The following SVOP variants were observed in gnomAD, a reference collection of about 807,000 sequenced individuals.
SVOP encodes SV2 related protein, also known as synaptic vesicle 2-related protein.
SVOP carries 17 observed loss-of-function variants against 69.1 expected under a neutral mutation model. That is an observed-to-expected ratio of 0.25 (90% confidence interval 0.17 to 0.37). The LOEUF (loss-of-function observed/expected upper bound fraction) is 0.37. Ranked by LOEUF, SVOP falls within the 10% of genes least tolerant of loss-of-function variation. SVOP has a pLI of 1.00. For missense variants in SVOP, 435 were observed against 597.5 expected (o/e 0.73, Z 2.84); for synonymous variants, 238 against 238.6 (o/e 1.00, Z 0.02).
chr12:108,939,195 C>G (rs2039874360), intron 8 of SVOP, among the ~76,000 whole-genome samples: 1 of 152,178 alleles, frequency 6.6e-6, no homozygotes, highest in South Asian at 2.1e-4. Context: ...GAGATCCTAC[C>G]TCTTAGGGCT....
At chr12:108,998,797 A>G (rs1298973640) in intron 1 of SVOP, among the ~76,000 whole-genome samples, 1 of 151,150 alleles carries the variant, frequency 6.6e-6, no homozygotes, top group East Asian at 2.0e-4. Context: ...GCCCTAAAAG[A>G]GCTCCTGAAG....
At position 108,984,731 on chromosome 12, in the gene SVOP, C is replaced by T. The variant is rs946651801; in HGVS notation, c.36-970G>A. 1.6e-3 allele frequency among the ~76,000 whole-genome samples: 244 copies of T among 152,196 alleles called. 4 individuals carry two copies. In the South Asian group the frequency reaches 0.02, roughly 13 times the overall value. On this transcript the variant is annotated intron_variant, in intron 1 of 15. Transcript: ENST00000610966. ...GCAGTAGTTTCTTCATCTGGGACTCCGGGGCAAAATTACCTGTCTCCTTCC... is the reference window on the plus strand; with the variant it reads ...GCAGTAGTTTCTTCATCTGGGACTCTGGGGCAAAATTACCTGTCTCCTTCC...
At chr12:108,948,664 C>T (rs1337117303) in intron 6 of SVOP, among the ~76,000 whole-genome samples, 1 of 152,146 alleles carries the variant, frequency 6.6e-6, no homozygotes, top group Non-Finnish European at 1.5e-5. Context: ...TAGGACAGAT[C>T]CCCCTAAGTA....
At chr12:108,985,550 T>C (rs1312493050) in intron 1 of SVOP, among the ~76,000 whole-genome samples, 2 of 151,998 alleles carry the variant, frequency 1.3e-5, no homozygotes, top group African/African-American at 4.8e-5. Context: ...CATGTGCCTG[T>C]GGTCCCAGCT....
chr12:108,951,277 C>A (rs2039952352), intron 6 of SVOP, among the ~76,000 whole-genome samples: 1 of 152,128 alleles, frequency 6.6e-6, no homozygotes, highest in African/African-American at 2.4e-5. Context: ...GGTTTCCCAC[C>A]GCAGCCGCTT....
At chr12:109,010,984 A>G (rs370070833) in intron 1 of SVOP, among the ~76,000 whole-genome samples, 48 of 152,022 alleles carry the variant, frequency 3.2e-4, no homozygotes, top group African/African-American at 1.0e-3. Context: ...GCGTGATCTC[A>G]GCTCACTTCA....
intron 5 of SVOP, among the ~76,000 whole-genome samples, chr12:108,963,903 G>C (rs1566058390): frequency 6.6e-6 from 1 of 152,198 alleles, no homozygotes; most frequent in South Asian, 2.1e-4. Context: ...TGCTTTGTTT[G>C]TGTTGCATTT....
At chr12:108,962,689 A>G (rs2040024231) in intron 5 of SVOP, among the ~76,000 whole-genome samples, 1 of 152,162 alleles carries the variant, frequency 6.6e-6, no homozygotes, top group African/African-American at 2.4e-5. Flanking sequence ...CATGGGGCCG[A>G]GCACGGTGGC....
intron 1 of SVOP, among the ~76,000 whole-genome samples, chr12:109,010,497 C>T (rs1025808787): frequency 1.3e-5 from 2 of 152,126 alleles, no homozygotes; most frequent in African/African-American, 4.8e-5. Context: ...TCTTTGGCCT[C>T]CAGACTATTG....
intron 1 of SVOP, among the ~76,000 whole-genome samples, chr12:109,016,687 C>T (rs1321644495): frequency 6.6e-6 from 1 of 152,018 alleles, no homozygotes; most frequent in Non-Finnish European, 1.5e-5. Context: ...GGGAAGCCTT[C>T]CCTGATACCC....
intron 1 of SVOP, among the ~76,000 whole-genome samples, chr12:109,020,184 C>T (rs2040388945): frequency 6.6e-6 from 1 of 152,094 alleles, no homozygotes; most frequent in South Asian, 2.1e-4. Context: ...TCTTAAAAAT[C>T]GCCATCCTCA....
rs1430838444 is a variant in SVOP, at chr12:108,912,553, G to A, written c.1629C>T (p.Asn543=). 8 of 1,613,656 alleles carry A rather than the reference G, an allele frequency of 5.0e-6. No individual in the cohort carries two copies. The highest frequency in any genetic ancestry group is 6.8e-6 in the Non-Finnish European group (8 of 1,179,734). The change falls in exon 16 of 16, where the codon AAC becomes AAT. Residue 543 remains asparagine, a synonymous_variant. Coordinates refer to ENST00000610966, the MANE Select transcript of SVOP (RefSeq NM_018711.5). ...GMHGAGVTRS[N]SGSQE The stretch of plus-strand genomic sequence containing the variant: ...TCGGTCACTATTCCTGAGAGCCAGA[G>A]TTCGACCTGGTAACACCTGCACCGT...
chr12:108,951,139 C>T (rs1444226512), intron 6 of SVOP, among the ~76,000 whole-genome samples: 1 of 152,184 alleles, frequency 6.6e-6, no homozygotes, highest in East Asian at 1.9e-4. Context: ...TGTGTATAAG[C>T]TCATTGTAGA....
intron 2 of SVOP, among the ~76,000 whole-genome samples, chr12:108,981,367 T>C (rs2137436513): frequency 6.6e-6 from 1 of 152,308 alleles, no homozygotes; most frequent in South Asian, 2.1e-4. Context: ...CTCCATCCCC[T>C]GTCATTGCCA....
chr12:108,922,135 T>A (rs926551199), intron 12 of SVOP, among the ~76,000 whole-genome samples: 3 of 152,166 alleles, frequency 2.0e-5, no homozygotes, highest in African/African-American at 4.8e-5. Context: ...CAGGCTACCA[T>A]GTCAGAGTTG....
chr12:108,918,001 C>A, intron 14 of SVOP, 42 bp downstream of exon 14: 1 of 1,482,742 alleles, frequency 6.7e-7, no homozygotes, highest in Non-Finnish European at 9.1e-7. Context: ...CCACTCTCCC[C>A]CCACTGCCCG....
intron 14 of SVOP, among the ~76,000 whole-genome samples, chr12:108,916,767 G>C (rs940124064): frequency 6.6e-6 from 1 of 152,166 alleles, no homozygotes; most frequent in African/African-American, 2.4e-5. Context: ...ATTTGAGACA[G>C]GGTCTCACTC....
At chr12:109,006,089 G>T (rs1315856183) in intron 1 of SVOP, among the ~76,000 whole-genome samples, 1 of 152,150 alleles carries the variant, frequency 6.6e-6, no homozygotes, top group Non-Finnish European at 1.5e-5. Flanking sequence ...TCTCACTCTT[G>T]TCACCCAGGC....
rs1414929399 is a variant in SVOP, at chr12:108,953,148, TTTTTC to T, written c.578+7770_578+7774del. ...ATGATCTAATTGACTTTTTTTTTTT[TTTTTC>T]TTTTTTTTTTTTGAGACAGAGTTTC... On this transcript the variant is annotated intron_variant, in intron 6 of 15. Coordinates refer to ENST00000610966, the MANE Select transcript of SVOP (RefSeq NM_018711.5). Among the ~76,000 whole-genome samples the T allele has an allele frequency of 7.2e-4, 94 of 130,928 alleles. 5 individuals are homozygous for T. Among genetic ancestry groups the T allele is most frequent in the African/African-American group, 2.4e-3 (82 of 34,100 alleles). The allele number at this position is 130,928 out of a possible 152,430, so 85.9% of individuals were successfully genotyped here. A position where few individuals can be genotyped will look rare whatever the true frequency, so the allele number is the denominator to read the frequency against.
Sources: gnomAD v4.1 joint callset for allele counts (sites outside exome capture counted in the v4.1 genomes callset) on GRCh38, gnomAD v4.1.1 for gene constraint, MANE v1.5 for transcripts, NCBI Gene and HGNC (gene_info 2026-07-23, HGNC 2026-07-21) for gene names.